Variants in NTRK3 observed in about 807,000 individuals in gnomAD.
The protein encoded by NTRK3 is NT-3 growth factor receptor.
In NTRK3, 24 loss-of-function variants were observed where a neutral mutation model predicts 91.7. The ratio of observed to expected loss-of-function variants is 0.26; its 90% CI spans 0.19 to 0.37. NTRK3 has a LOEUF of 0.37. NTRK3 is among the 10% of genes least tolerant of loss of function. The pLI, the probability that NTRK3 is intolerant of heterozygous loss-of-function variation, is 1.00. For synonymous variants in NTRK3, 483 were observed against 404.0 expected, an observed-to-expected ratio of 1.20 and a Z score of -2.34; for missense variants, 880 against 1,068.9, an observed-to-expected ratio of 0.82 and a Z score of 2.46.
At chr15:88,033,600 C>T (rs1030018742) in intron 13 of NTRK3, among the ~76,000 whole-genome samples, 2 of 152,030 alleles carry the variant, frequency 1.3e-5, no homozygotes, top group African/African-American at 4.8e-5. Flanking sequence ...TGTGAGTCAT[C>T]ATGCCCGGCC....
intron 17 of NTRK3, among the ~76,000 whole-genome samples, chr15:87,895,103 A>C (rs1424356585): frequency 6.6e-6 from 1 of 152,138 alleles, no homozygotes; most frequent in Non-Finnish European, 1.5e-5. Flanking sequence ...TTCAACACTA[A>C]AGCTGTAGCT....
intron 3 of NTRK3, among the ~76,000 whole-genome samples, chr15:88,186,543 T>A (rs2046960736): frequency 6.6e-6 from 1 of 152,178 alleles, no homozygotes; most frequent in African/African-American, 2.4e-5. Context: ...TGCAACAGTG[T>A]GGGTAGGAGT....
intron 14 of NTRK3, among the ~76,000 whole-genome samples, chr15:87,989,539 T>C (rs951263893): frequency 6.6e-5 from 10 of 152,054 alleles, no homozygotes; most frequent in Non-Finnish European, 1.3e-4. Flanking sequence ...CATTAGGAGA[T>C]ATACCTAATG....
chr15:88,065,042 T>G (rs2046527953), intron 13 of NTRK3, among the ~76,000 whole-genome samples: 2 of 152,224 alleles, frequency 1.3e-5, no homozygotes, highest in South Asian at 4.1e-4. Context: ...TCAAGATCTA[T>G]GACAACTATG....
chr15:88,090,785 G>T (rs962791918), intron 13 of NTRK3, among the ~76,000 whole-genome samples: 3 of 151,982 alleles, frequency 2.0e-5, no homozygotes, highest in African/African-American at 7.3e-5. Context: ...CCCAGGGGCC[G>T]AACCCTGGCT....
chr15:88,033,784 C>T (rs552493241), intron 13 of NTRK3, among the ~76,000 whole-genome samples: 1 of 152,278 alleles, frequency 6.6e-6, no homozygotes, highest in Admixed American at 6.5e-5. Context: ...ACTATTTTCA[C>T]TTTCTCCCAA....
At chr15:87,961,466 C>G (rs2072282995) in intron 14 of NTRK3, among the ~76,000 whole-genome samples, 1 of 152,258 alleles carries the variant, frequency 6.6e-6, no homozygotes, top group Non-Finnish European at 1.5e-5. Context: ...GATGCCTTAG[C>G]TAATAACTTT....
rs533516383 is a variant in NTRK3 at position 88,133,309 on chromosome 15, C to T, written c.1204+1792G>A. On this transcript the variant is annotated intron_variant, in intron 10 of 18. Transcript: ENST00000394480. ...GAGAAGACGCAAAGTATTGCTTCCT[C>T]CTGAGACAAAGGAGAGAACGGAGAA... Among the ~76,000 whole-genome samples the T allele has an allele frequency of 2.4e-4, 36 of 152,210 alleles. 1 individual carries two copies. In the South Asian group the frequency reaches 7.3e-3, roughly 31 times the overall value.
chr15:88,082,609 A>G (rs975721053), intron 13 of NTRK3, among the ~76,000 whole-genome samples: 2 of 152,236 alleles, frequency 1.3e-5, no homozygotes, highest in African/African-American at 4.8e-5. Flanking sequence ...ATCACATTGC[A>G]TGTTCTCTCT....
chr15:88,232,263 C>A (rs891089017), intron 3 of NTRK3, among the ~76,000 whole-genome samples: 1 of 150,770 alleles, frequency 6.6e-6, no homozygotes, highest in Non-Finnish European at 1.5e-5. Flanking sequence ...CTAAAACCCA[C>A]CCCACCCCAC....
At chr15:88,139,379 G>T (rs1033897607) in intron 6 of NTRK3, among the ~76,000 whole-genome samples, 5 of 152,122 alleles carry the variant, frequency 3.3e-5, no homozygotes, top group African/African-American at 1.2e-4. Context: ...CCAGAGGGAG[G>T]GGCACTTGGG....
chr15:88,035,514 G>T (rs971139777), intron 13 of NTRK3, among the ~76,000 whole-genome samples: 1 of 152,152 alleles, frequency 6.6e-6, no homozygotes, highest in African/African-American at 2.4e-5. Context: ...TCTCGGTATG[G>T]ACATTTGGAG....
At chr15:88,148,561 G>T (rs563315390) in intron 5 of NTRK3, among the ~76,000 whole-genome samples, 12 of 152,252 alleles carry the variant, frequency 7.9e-5, no homozygotes, top group African/African-American at 2.6e-4. Context: ...GTCAAGGCCT[G>T]AGAGATCCAG....
chr15:88,242,947 G>A (rs1232397788), intron 3 of NTRK3, among the ~76,000 whole-genome samples: 9 of 152,194 alleles, frequency 5.9e-5, no homozygotes, highest in African/African-American at 1.7e-4. Flanking sequence ...ATATGAGGCC[G>A]CCCCTCCAAC....
In NTRK3 at chr15:87,884,381, GGT is replaced by G. The variant is rs201056642; in HGVS notation, c.2134-3955_2134-3954del. Among the ~76,000 whole-genome samples, 847 of 151,672 alleles carry G rather than the reference GGT, an allele frequency of 5.6e-3. 13 individuals are homozygous for G. The highest frequency in any genetic ancestry group is 0.032 in the East Asian group (164 of 5,186). ...AACTAGAAGGTTCAGATAGTTTTCT[GGT>G]TGAGTTCTATTAAAGTTTTCTGTCT... is the stretch of plus-strand genomic sequence containing the variant. On this transcript the variant is annotated intron_variant, in intron 17 of 18. Transcript: ENST00000394480.
intron 14 of NTRK3, among the ~76,000 whole-genome samples, chr15:87,989,607 A>G (rs1359719455): frequency 6.6e-6 from 1 of 152,148 alleles, no homozygotes; most frequent in Non-Finnish European, 1.5e-5. Context: ...CATATGTAAC[A>G]AACCTGCACG....
At chr15:87,913,600 A>G (rs764552420) in intron 17 of NTRK3, among the ~76,000 whole-genome samples, 40 of 152,138 alleles carry the variant, frequency 2.6e-4, no homozygotes, top group Admixed American at 3.3e-4. Context: ...ATCTATTAAT[A>G]TGTACCCTCC....
At chr15:88,229,940 G>C (rs1029338569) in intron 3 of NTRK3, among the ~76,000 whole-genome samples, 2 of 152,206 alleles carry the variant, frequency 1.3e-5, no homozygotes, top group Admixed American at 6.5e-5. Context: ...GTACAGAACT[G>C]GGTAGCACAG....
chr15:87,886,103 A>C (rs1172848788), intron 17 of NTRK3, among the ~76,000 whole-genome samples: 1 of 152,242 alleles, frequency 6.6e-6, no homozygotes, highest in Non-Finnish European at 1.5e-5. Context: ...AAAGATGCCA[A>C]TTAAAACAAC....
Sources: allele counts gnomAD v4.1 joint callset (sites outside exome capture counted in the v4.1 genomes callset), GRCh38; gene constraint gnomAD v4.1.1; transcripts MANE v1.5; gene names NCBI Gene and HGNC (gene_info 2026-07-23, HGNC 2026-07-21).